The following RGS7 variants were observed in gnomAD, a reference collection of about 807,000 sequenced individuals.
RGS7 encodes regulator of G protein signaling 7.
RGS7 carries 27 observed loss-of-function variants against 81.1 expected under a neutral mutation model. The ratio of observed to expected loss-of-function variants is 0.33; its 90% CI spans 0.25 to 0.46. The LOEUF (loss-of-function observed/expected upper bound fraction) is 0.46, where lower values mean the gene tolerates loss of function less well. Among genes scored for constraint, RGS7 ranks in the 20% least tolerant of loss-of-function variants. The probability of loss-of-function intolerance (pLI) is 1.00; values close to 1 mark genes in which losing one functional copy is unlikely to be tolerated. For synonymous variants in RGS7, 208 were observed against 207.7 expected (o/e 1.00, Z -0.01); for missense variants, 396 against 607.4 (o/e 0.65, Z 3.66).
chr1:241,293,777 A>G lies in RGS7; in HGVS notation c.78+61922T>C, dbSNP rs547700808. Among the ~76,000 whole-genome samples the G allele has an allele frequency of 6.6e-5, 10 of 152,348 alleles. No individual in the cohort carries two copies. The South Asian group carries it at 2.1e-3, about 32-fold the overall frequency. ...CACCAGTTAGAATGGCCATCATTAA[A>G]AAGTCTGGTAACAACAGATGCTGGC... On this transcript the variant is annotated intron_variant, in intron 2 of 18. Coordinates refer to ENST00000440928, the MANE Select transcript of RGS7 (RefSeq NM_001364886.1).
chr1:241,032,699 C>T (rs1030441406), intron 3 of RGS7, among the ~76,000 whole-genome samples: 19 of 152,280 alleles, frequency 1.2e-4, no homozygotes, highest in Non-Finnish European at 2.1e-4. Flanking sequence ...AGATCTTTCA[C>T]GTCCTTCGTT....
chr1:241,014,397 C>A (rs2059119908), intron 3 of RGS7, among the ~76,000 whole-genome samples: 1 of 152,168 alleles, frequency 6.6e-6, no homozygotes, highest in South Asian at 2.1e-4. Context: ...CAATATTATT[C>A]TTTTATGCAA....
At chr1:240,875,042 CAAAACAAAAAACAA>C (rs375641448) in intron 6 of RGS7, among the ~76,000 whole-genome samples, 19 of 151,314 alleles carry the variant, frequency 1.3e-4, no homozygotes, top group African/African-American at 4.1e-4. Context: ...AACTCCATCT[CAAAACAAAAAACAA>C]AAAACAAAAA....
intron 2 of RGS7, among the ~76,000 whole-genome samples, chr1:241,211,948 A>G (rs1478558473): frequency 6.6e-6 from 1 of 152,154 alleles, no homozygotes; most frequent in African/African-American, 2.4e-5. Flanking sequence ...AATAATCAAT[A>G]TCATTACTAA....
chr1:240,782,227 C>G (rs1243353221), intron 18 of RGS7, among the ~76,000 whole-genome samples: 2 of 152,160 alleles, frequency 1.3e-5, no homozygotes, highest in Non-Finnish European at 2.9e-5. Context: ...TTGCTCACTC[C>G]TCCACTGCAA....
chr1:241,021,095 T>C (rs2059512720), intron 3 of RGS7, among the ~76,000 whole-genome samples: 1 of 152,214 alleles, frequency 6.6e-6, no homozygotes, highest in African/African-American at 2.4e-5. Flanking sequence ...CTCATCTTCT[T>C]ATTTTCTTTC....
intron 2 of RGS7, among the ~76,000 whole-genome samples, chr1:241,334,759 A>G (rs2082153781): frequency 6.6e-6 from 1 of 152,162 alleles, no homozygotes; most frequent in Admixed American, 6.5e-5. Context: ...AGAAATTGCA[A>G]GAAAAAAAAT....
intron 4 of RGS7, among the ~76,000 whole-genome samples, chr1:240,946,574 T>G (rs1462259645): frequency 6.6e-6 from 1 of 152,154 alleles, no homozygotes; most frequent in Non-Finnish European, 1.5e-5. Flanking sequence ...GCCACTGCAC[T>G]GGGTGACAGA....
intron 2 of RGS7, among the ~76,000 whole-genome samples, chr1:241,331,554 C>G (rs1293903364): frequency 6.6e-6 from 1 of 152,142 alleles, no homozygotes; most frequent in African/African-American, 2.4e-5. Context: ...ATTATTATTA[C>G]TTATTCACTT....
chr1:241,155,177 T>C (rs1463591790), intron 2 of RGS7, among the ~76,000 whole-genome samples: 1 of 152,224 alleles, frequency 6.6e-6, no homozygotes, highest in Non-Finnish European at 1.5e-5. Context: ...TGGAGTGCAG[T>C]GGCAACCTCT....
At chr1:240,980,681 A>G (rs1044998262) in intron 4 of RGS7, among the ~76,000 whole-genome samples, 2 of 152,236 alleles carry the variant, frequency 1.3e-5, no homozygotes, top group Non-Finnish European at 2.9e-5. Context: ...AATAGCCACC[A>G]GATTGATTCA....
At chr1:241,084,998 G>A (rs780333773) in intron 3 of RGS7, among the ~76,000 whole-genome samples, 8 of 152,252 alleles carry the variant, frequency 5.3e-5, no homozygotes, top group East Asian at 1.9e-4. Flanking sequence ...TTTGATCGCC[G>A]CCAACAGGCA....
chr1:241,347,338 G>C (rs1029608235), intron 2 of RGS7, among the ~76,000 whole-genome samples: 16 of 152,192 alleles, frequency 1.1e-4, no homozygotes, highest in African/African-American at 3.9e-4. Flanking sequence ...TCAGGGGTGG[G>C]GTGAGAATTC....
At chr1:241,355,910 T>C (rs2083530851) in intron 1 of RGS7, 84 bp from the exon 2 acceptor site, 1 of 762,080 alleles carries the variant, frequency 1.3e-6, no homozygotes, top group East Asian at 2.6e-5. Flanking sequence ...CCACCCCACA[T>C]GGCGCGTTCT....
At chr1:240,885,635 C>T (rs987706036) in intron 6 of RGS7, among the ~76,000 whole-genome samples, 4 of 152,096 alleles carry the variant, frequency 2.6e-5, no homozygotes, top group Non-Finnish European at 5.9e-5. Flanking sequence ...CCTTAGTAAA[C>T]TCATGCAGGA....
At chr1:240,903,603 C>G (rs897857093) in intron 6 of RGS7, among the ~76,000 whole-genome samples, 3 of 152,002 alleles carry the variant, frequency 2.0e-5, no homozygotes, top group African/African-American at 7.2e-5. Flanking sequence ...TATGATGAGT[C>G]CAAGATTTTG....
intron 16 of RGS7, among the ~76,000 whole-genome samples, chr1:240,802,412 T>C (rs917967211): frequency 1.3e-5 from 2 of 152,150 alleles, no homozygotes; most frequent in African/African-American, 4.8e-5. Flanking sequence ...TATTAAGTGA[T>C]TCAGGATAAA....
At chr1:240,932,903 A>G (rs1225170008) in intron 5 of RGS7, among the ~76,000 whole-genome samples, 1 of 39,612 alleles carries the variant, frequency 2.5e-5, no homozygotes, top group African/African-American at 1.0e-4. Flanking sequence ...TTTTTTTTTG[A>G]GACAGAGTCT....
At chr1:240,857,383 C>T (rs1383492665) in intron 9 of RGS7, among the ~76,000 whole-genome samples, 5 of 152,154 alleles carry the variant, frequency 3.3e-5, no homozygotes, top group African/African-American at 7.2e-5. Flanking sequence ...AATATTGATA[C>T]ATTAATAGTA....
Sources: gnomAD v4.1 joint callset for allele counts (sites outside exome capture counted in the v4.1 genomes callset) on GRCh38, gnomAD v4.1.1 for gene constraint, MANE v1.5 for transcripts, NCBI Gene and HGNC (gene_info 2026-07-23, HGNC 2026-07-21) for gene names.